Variants in ZDHHC21 observed in about 807,000 individuals in gnomAD.
ZDHHC21 encodes palmitoyltransferase ZDHHC21.
Under a neutral mutation model 34.6 loss-of-function variants are expected in ZDHHC21, and 15 were observed. The observed-to-expected ratio is 0.43, with a 90% CI of 0.29 to 0.67. ZDHHC21 has a LOEUF of 0.67. Among genes scored for constraint, ZDHHC21 ranks in the 30% least tolerant of loss-of-function variants. The pLI is 0.14. For missense variants in ZDHHC21, 344 were observed against 327.7 expected (o/e 1.05, Z -0.38); for synonymous variants, 142 against 101.8 (o/e 1.40, Z -2.38).
At chr9:14,636,324 C>T (rs1828294885) in intron 8 of ZDHHC21, among the ~76,000 whole-genome samples, 1 of 152,080 alleles carries the variant, frequency 6.6e-6, no homozygotes, top group Non-Finnish European at 1.5e-5. Context: ...AGTTACAAAG[C>T]AGACCATTAT....
At chr9:14,657,715 C>CTGCACTA (rs1033166986) in intron 7 of ZDHHC21, among the ~76,000 whole-genome samples, 1 of 152,182 alleles carries the variant, frequency 6.6e-6, no homozygotes, top group African/African-American at 2.4e-5. Context: ...TTTGCCAATA[C>CTGCACTA]TGCACTATAC....
At chr9:14,607,598 A>G (rs1823054098), downstream of ZDHHC21, among the ~76,000 whole-genome samples, 1 of 147,688 alleles carries the variant, frequency 6.8e-6, no homozygotes, top group South Asian at 2.2e-4. Context: ...ATTTTGTTCT[A>G]GACGGTGATA....
chr9:14,627,782 T>C (rs1366836617), intron 8 of ZDHHC21, among the ~76,000 whole-genome samples: 1 of 152,166 alleles, frequency 6.6e-6, no homozygotes, highest in East Asian at 1.9e-4. Flanking sequence ...ACTGAGAACA[T>C]GACAAATACA....
intron 3 of ZDHHC21, among the ~76,000 whole-genome samples, chr9:14,678,147 A>C (rs1285995549): frequency 2.6e-5 from 4 of 152,000 alleles, no homozygotes; most frequent in African/African-American, 9.7e-5. Context: ...CTCCATTTGA[A>C]ATTTTTCCTG....
the ZDHHC21 span, among the ~76,000 whole-genome samples, chr9:14,590,689 GACAA>G: frequency 6.6e-6 from 1 of 151,986 alleles, no homozygotes; most frequent in East Asian, 1.9e-4. Context: ...AAATTTTTCA[GACAA>G]ACAGATGCTG....
chr9:14,661,623 C>A (rs1280340762), intron 6 of ZDHHC21, among the ~76,000 whole-genome samples: 1 of 152,166 alleles, frequency 6.6e-6, no homozygotes, highest in African/African-American at 2.4e-5. Flanking sequence ...TATTTCTCAA[C>A]TGAACATTTT....
intron 8 of ZDHHC21, among the ~76,000 whole-genome samples, chr9:14,633,804 C>A (rs1827794176): frequency 6.6e-6 from 1 of 152,178 alleles, no homozygotes; most frequent in Non-Finnish European, 1.5e-5. Flanking sequence ...GAAGTACAAG[C>A]AAAGTGTGCA....
chr9:14,619,716 G>T, intron 8 of ZDHHC21, 34 bp from the exon 9 acceptor site: 1 of 1,193,280 alleles, frequency 8.4e-7, no homozygotes, highest in East Asian at 2.8e-5. Flanking sequence ...TCAGATGTAA[G>T]AAAGTTATTA....
chr9:14,685,098 C>T (rs1371782751), intron 2 of ZDHHC21, among the ~76,000 whole-genome samples: 2 of 152,110 alleles, frequency 1.3e-5, no homozygotes, highest in South Asian at 4.2e-4. Context: ...ACCATAAAAA[C>T]CCTAGAAGAA....
intron 8 of ZDHHC21, among the ~76,000 whole-genome samples, chr9:14,630,792 G>A (rs1236026011): frequency 6.6e-6 from 1 of 152,170 alleles, no homozygotes; most frequent in African/African-American, 2.4e-5. Context: ...TTGATGCATT[G>A]TCAATGAGCA....
chr9:14,609,565 C>T (rs1280276288), downstream of ZDHHC21, among the ~76,000 whole-genome samples: 1 of 152,066 alleles, frequency 6.6e-6, no homozygotes, highest in African/African-American at 2.4e-5. Flanking sequence ...TTAACCGCTT[C>T]CCAGTACTTA....
At chr9:14,643,222 T>C (rs1355321004) in intron 7 of ZDHHC21, among the ~76,000 whole-genome samples, 4 of 152,150 alleles carry the variant, frequency 2.6e-5, no homozygotes, top group African/African-American at 4.8e-5. Context: ...CACTCCAGCC[T>C]GGGCAACAGA....
At chr9:14,685,624 A>G (rs959792387) in intron 2 of ZDHHC21, among the ~76,000 whole-genome samples, 1 of 152,256 alleles carries the variant, frequency 6.6e-6, no homozygotes, top group African/African-American at 2.4e-5. Flanking sequence ...AACTAGTTCA[A>G]CCATTGTGGA....
chr9:14,617,466 T>C lies in ZDHHC21; in HGVS notation c.*1500A>G, dbSNP rs1824427291. 6.6e-6 allele frequency: 1 copy of C among 152,022 alleles called. No individual in the cohort carries two copies. The highest frequency in any genetic ancestry group is 1.9e-4 in the East Asian group (1 of 5,186). 9.4% of individuals were successfully genotyped at this position (152,022 alleles called of 1,614,324 possible). Reference sequence around the variant, plus strand: ...AGTATAGCCAACTGGCTGACAATGGTAACCTTCTGTTTAATTATTTCCCAG... The same window carrying C: ...AGTATAGCCAACTGGCTGACAATGGCAACCTTCTGTTTAATTATTTCCCAG... On this transcript the variant is annotated 3_prime_UTR_variant, in exon 10 of 10. Transcript: ENST00000380916.
At chr9:14,665,182 C>T (rs1834183571) in intron 5 of ZDHHC21, among the ~76,000 whole-genome samples, 2 of 137,926 alleles carry the variant, frequency 1.5e-5, no homozygotes, top group South Asian at 2.7e-4. Context: ...AACCAAGGCT[C>T]GAGAACTACG....
chr9:14,679,732 CT>C (rs1257063173), intron 3 of ZDHHC21, among the ~76,000 whole-genome samples: 6 of 152,152 alleles, frequency 3.9e-5, no homozygotes, highest in East Asian at 3.9e-4. Flanking sequence ...ATAGTAAATG[CT>C]TTTAAAATTA....
chr9:14,647,538 T>C (rs1477160972), intron 7 of ZDHHC21, among the ~76,000 whole-genome samples: 1 of 152,142 alleles, frequency 6.6e-6, no homozygotes, highest in Non-Finnish European at 1.5e-5. Context: ...CTGTTGACTA[T>C]CAATGCTAAC....
chr9:14,679,317 G>C (rs1026421527), intron 3 of ZDHHC21, among the ~76,000 whole-genome samples: 1 of 152,038 alleles, frequency 6.6e-6, no homozygotes, highest in South Asian at 2.1e-4. Context: ...TAAAATGTTA[G>C]GTAAGAATCT....
intron 8 of ZDHHC21, among the ~76,000 whole-genome samples, chr9:14,633,271 G>C (rs763823127): frequency 6.6e-6 from 1 of 152,172 alleles, no homozygotes; most frequent in Non-Finnish European, 1.5e-5. Context: ...AGGACTGACA[G>C]GAAAGCAAGG....
Sources: gnomAD v4.1 joint callset for allele counts (sites outside exome capture counted in the v4.1 genomes callset) on GRCh38, gnomAD v4.1.1 for gene constraint, MANE v1.5 for transcripts, NCBI Gene and HGNC (gene_info 2026-07-23, HGNC 2026-07-21) for gene names.